Variants in NFKB1 observed in about 807,000 individuals in gnomAD.
NFKB1 encodes the protein nuclear factor NF-kappa-B p105 subunit.
In NFKB1, 9 loss-of-function variants were observed where a neutral mutation model predicts 105.1. The ratio of observed to expected loss-of-function variants is 0.09; its 90% CI spans 0.05 to 0.15. The LOEUF is 0.15. Ranked by LOEUF, NFKB1 falls within the 10% of genes least tolerant of loss-of-function variation. The pLI is 1.00. For missense variants in NFKB1, 830 were observed against 1,203.7 expected (o/e 0.69, Z 4.59); for synonymous variants, 440 against 442.2 (o/e 1.00, Z 0.06).
intron 1 of NFKB1, chr4:102,501,990 G>C (rs1739065890): frequency 6.6e-6 from 1 of 152,288 alleles, no homozygotes; most frequent in South Asian, 2.1e-4. Flanking sequence ...TCCGGACCTC[G>C]CAGGGGCTAG....
rs554968325 is a variant in NFKB1 at position 102,535,797 on chromosome 4, A to T, written c.159+1912A>T. Among the ~76,000 whole-genome samples the T allele has an allele frequency of 1.6e-4, 24 of 152,298 alleles. 1 individual carries two copies. Among genetic ancestry groups the T allele is most frequent in the Admixed American group, 5.2e-4 (8 of 15,294 alleles). Reference sequence around the variant, plus strand: ...TGTCTATTTGACACCACTCCCAATAAGATATAAACACATACGTGTCTATAT... The same window carrying T: ...TGTCTATTTGACACCACTCCCAATATGATATAAACACATACGTGTCTATAT... On this transcript the variant is annotated intron_variant, in intron 4 of 23. Coordinates refer to ENST00000226574, the MANE Select transcript of NFKB1 (RefSeq NM_003998.4).
intron 5 of NFKB1, among the ~76,000 whole-genome samples, chr4:102,538,905 G>C (rs1320048545): frequency 2.0e-5 from 3 of 152,052 alleles, no homozygotes; most frequent in African/African-American, 7.2e-5. Flanking sequence ...TTTGTAAGTA[G>C]ATGAAGCTCA....
intron 6 of NFKB1, among the ~76,000 whole-genome samples, chr4:102,571,316 T>C (rs1017223790): frequency 6.6e-6 from 1 of 152,214 alleles, no homozygotes; most frequent in African/African-American, 2.4e-5. Flanking sequence ...TCCTTACACC[T>C]TATACAAAAA....
chr4:102,548,283 A>G (rs1314168443), intron 5 of NFKB1, among the ~76,000 whole-genome samples: 3 of 152,280 alleles, frequency 2.0e-5, no homozygotes, highest in Non-Finnish European at 2.9e-5. Context: ...ATGAAGAAGA[A>G]GTCACTGTGG....
At chr4:102,514,431 G>T (rs1262479524) in intron 1 of NFKB1, among the ~76,000 whole-genome samples, 2 of 152,158 alleles carry the variant, frequency 1.3e-5, no homozygotes, top group African/African-American at 2.4e-5. Context: ...GAGGAAATTT[G>T]TCTCCTCTTG....
intron 5 of NFKB1, among the ~76,000 whole-genome samples, chr4:102,538,317 A>AGT (rs1741771869): frequency 6.6e-6 from 1 of 152,180 alleles, no homozygotes; most frequent in Non-Finnish European, 1.5e-5. Flanking sequence ...CAAGTGACTG[A>AGT]GTGTATGGAT....
chr4:102,583,096 C>T (rs1560694601), intron 10 of NFKB1, 139 bp downstream of exon 10: 3 of 520,092 alleles, frequency 5.8e-6, no homozygotes, highest in Non-Finnish European at 1.0e-5. Flanking sequence ...CCTCCTGTCT[C>T]AACCTACCAA....
chr4:102,612,360 GGCA>G, intron 21 of NFKB1, 71 bp from the exon 22 acceptor site: 1 of 1,488,844 alleles, frequency 6.7e-7, no homozygotes, highest in Non-Finnish European at 9.2e-7. Flanking sequence ...CAGCAAGCCA[GGCA>G]GCAATGATCA....
chr4:102,611,178 A>G (rs931896689), intron 20 of NFKB1, among the ~76,000 whole-genome samples: 3 of 152,246 alleles, frequency 2.0e-5, no homozygotes, highest in Non-Finnish European at 2.9e-5. Context: ...ATCTGAAGGT[A>G]TAAAGCAGTT....
intron 5 of NFKB1, among the ~76,000 whole-genome samples, chr4:102,563,843 C>T (rs1442197114): frequency 4.8e-5 from 5 of 104,030 alleles, no homozygotes; most frequent in African/African-American, 1.2e-4. Flanking sequence ...TTTTTTTAAA[C>T]GGAGTCTTGC....
chr4:102,542,049 A>G (rs1742029825), intron 5 of NFKB1, among the ~76,000 whole-genome samples: 1 of 152,158 alleles, frequency 6.6e-6, no homozygotes, highest in Non-Finnish European at 1.5e-5. Context: ...ACTATACTTT[A>G]TAGAACATGT....
chr4:102,545,701 G>C (rs1257603034), intron 5 of NFKB1, among the ~76,000 whole-genome samples: 5 of 152,086 alleles, frequency 3.3e-5, no homozygotes, highest in African/African-American at 1.2e-4. Flanking sequence ...GTCCAAAAAT[G>C]TTTCAACCAC....
intron 11 of NFKB1, among the ~76,000 whole-genome samples, chr4:102,588,603 C>T (rs1054041818): frequency 1.3e-5 from 2 of 152,086 alleles, no homozygotes; most frequent in East Asian, 3.9e-4. Flanking sequence ...GAATGAGGTA[C>T]TTTTAAGGCA....
chr4:102,591,436 A>AAAG (rs1441266363), intron 11 of NFKB1, among the ~76,000 whole-genome samples: 1 of 151,676 alleles, frequency 6.6e-6, no homozygotes, highest in Admixed American at 6.6e-5. Context: ...AAAAAAAAAA[A>AAAG]AGGCAGACTT....
At chr4:102,556,006 A>G (rs2149150985) in intron 5 of NFKB1, among the ~76,000 whole-genome samples, 1 of 152,250 alleles carries the variant, frequency 6.6e-6, no homozygotes, top group South Asian at 2.1e-4. Flanking sequence ...AAGATAGATA[A>G]ACTAAGGAAT....
chr4:102,590,339 A>G (rs1237469909), intron 11 of NFKB1, among the ~76,000 whole-genome samples: 2 of 152,188 alleles, frequency 1.3e-5, no homozygotes, highest in Non-Finnish European at 2.9e-5. Context: ...TGTTGTCCCA[A>G]ACAGTTCCAT....
chr4:102,581,594 T>A (rs918702690), intron 9 of NFKB1, among the ~76,000 whole-genome samples: 9 of 151,980 alleles, frequency 5.9e-5, no homozygotes, highest in Non-Finnish European at 1.3e-4. Context: ...TTTGAGGCTG[T>A]AGTGAGCTAT....
chr4:102,510,591 A>G (rs776818875), intron 1 of NFKB1, among the ~76,000 whole-genome samples: 10 of 152,230 alleles, frequency 6.6e-5, no homozygotes, highest in East Asian at 1.9e-4. Context: ...GTATGATAAT[A>G]TGAGGAACTG....
chr4:102,582,539 C>G (rs2082722560), intron 9 of NFKB1, among the ~76,000 whole-genome samples: 1 of 152,082 alleles, frequency 6.6e-6, no homozygotes, highest in Non-Finnish European at 1.5e-5. Flanking sequence ...TCGTTGGATT[C>G]TAATATTCTT....
Sources: allele counts gnomAD v4.1 joint callset (sites outside exome capture counted in the v4.1 genomes callset), GRCh38; gene constraint gnomAD v4.1.1; transcripts MANE v1.5; gene names NCBI Gene and HGNC (gene_info 2026-07-23, HGNC 2026-07-21).